CACNA2D3: variants seen among roughly 807,000 people sequenced by gnomAD.
The protein encoded by CACNA2D3 is voltage-dependent calcium channel subunit alpha-2/delta-3.
Under a neutral mutation model 160.6 loss-of-function variants are expected in CACNA2D3, and 60 were observed. The ratio of observed to expected loss-of-function variants is 0.37; its 90% CI spans 0.30 to 0.46. The LOEUF (loss-of-function observed/expected upper bound fraction) is 0.46. CACNA2D3 is among the 20% of genes least tolerant of loss of function. The pLI, the probability that CACNA2D3 is intolerant of heterozygous loss-of-function variation, is 1.00. For synonymous variants in CACNA2D3, 558 were observed against 492.9 expected, an observed-to-expected ratio of 1.13 and a Z score of -1.75; for missense variants, 1,205 against 1,365.0, an observed-to-expected ratio of 0.88 and a Z score of 1.85.
At chr3:54,208,923 A>C (rs964611661) in intron 2 of CACNA2D3, among the ~76,000 whole-genome samples, 2 of 152,134 alleles carry the variant, frequency 1.3e-5, no homozygotes. Context: ...ACATGGTGGA[A>C]GGCAAAAGGC....
intron 3 of CACNA2D3, among the ~76,000 whole-genome samples, chr3:54,381,546 G>C (rs1321681023): frequency 6.6e-6 from 1 of 152,102 alleles, no homozygotes; most frequent in African/African-American, 2.4e-5. Flanking sequence ...ACTTAGACGT[G>C]GTGTCCGGTT....
At chr3:54,929,317 G>A (rs1465318543) in intron 27 of CACNA2D3, among the ~76,000 whole-genome samples, 1 of 152,122 alleles carries the variant, frequency 6.6e-6, no homozygotes, top group Non-Finnish European at 1.5e-5. Context: ...GCATGAGAAA[G>A]GCTTTCAGGA....
intron 35 of CACNA2D3, among the ~76,000 whole-genome samples, chr3:55,049,035 G>T (rs1704126228): frequency 6.7e-6 from 1 of 149,832 alleles, no homozygotes; most frequent in South Asian, 2.1e-4. Context: ...CAATTTTGTT[G>T]ATCCTTTCAA....
intron 17 of CACNA2D3, among the ~76,000 whole-genome samples, chr3:54,865,412 GC>G (rs1258264827): frequency 6.6e-6 from 1 of 152,156 alleles, no homozygotes; most frequent in Non-Finnish European, 1.5e-5. Flanking sequence ...GTGACTTCAT[GC>G]CCCCCACCTT....
At chr3:54,184,184 C>T (rs1700836952) in intron 2 of CACNA2D3, among the ~76,000 whole-genome samples, 1 of 152,154 alleles carries the variant, frequency 6.6e-6, no homozygotes, top group African/African-American at 2.4e-5. Flanking sequence ...GAGATTCAGG[C>T]TGATTGGGGA....
chr3:54,178,538 A>G lies in CACNA2D3; in HGVS notation c.204+54944A>G, dbSNP rs188543683. On this transcript the variant is annotated intron_variant, in intron 2 of 37. Transcript: ENST00000474759. ...AGCAGACACACGAAGAAAAAGGCGAAGTTGAGTGGCATCGTCACCAACTGA... is the reference window on the plus strand; with the variant it reads ...AGCAGACACACGAAGAAAAAGGCGAGGTTGAGTGGCATCGTCACCAACTGA... 3.3e-5 allele frequency among the ~76,000 whole-genome samples: 5 copies of G among 152,326 alleles called. No homozygotes were observed. The East Asian group carries it at 9.6e-4, about 29-fold the overall frequency.
chr3:54,169,462 T>C (rs1700518963), intron 2 of CACNA2D3, among the ~76,000 whole-genome samples: 1 of 152,214 alleles, frequency 6.6e-6, no homozygotes, highest in Non-Finnish European at 1.5e-5. Flanking sequence ...CTCATTTTGA[T>C]TCTGTTTCAT....
intron 13 of CACNA2D3, among the ~76,000 whole-genome samples, chr3:54,775,974 G>A (rs941106233): frequency 1.3e-5 from 2 of 152,000 alleles, no homozygotes; most frequent in African/African-American, 2.4e-5. Flanking sequence ...CCCAGTCATC[G>A]GTGAAACACA....
chr3:54,456,274 G>T (rs375675778), intron 4 of CACNA2D3, among the ~76,000 whole-genome samples: 1 of 151,748 alleles, frequency 6.6e-6, no homozygotes, highest in East Asian at 1.9e-4. Context: ...CTTTTGTCTT[G>T]TTGGTTAAAT....
chr3:54,413,903 C>G (rs1329827343), intron 4 of CACNA2D3, among the ~76,000 whole-genome samples: 1 of 97,030 alleles, frequency 1.0e-5, no homozygotes, highest in Non-Finnish European at 2.1e-5. Context: ...ACTGCTTTTT[C>G]TTTTTAAGTC....
chr3:54,883,952 C>T (rs934418457), intron 21 of CACNA2D3, among the ~76,000 whole-genome samples: 1 of 152,160 alleles, frequency 6.6e-6, no homozygotes, highest in African/African-American at 2.4e-5. Flanking sequence ...TTTACTATCT[C>T]TTTTCTGCCA....
intron 2 of CACNA2D3, among the ~76,000 whole-genome samples, chr3:54,217,853 CCTGAGAGACA>C (rs1289911917): frequency 1.7e-4 from 25 of 145,026 alleles, no homozygotes; most frequent in African/African-American, 6.6e-4. Flanking sequence ...TTAATATAGG[CCTGAGAGACA>C]GAGAGAGACA....
At chr3:54,905,496 G>T (rs191198786) in intron 27 of CACNA2D3, among the ~76,000 whole-genome samples, 55 of 152,310 alleles carry the variant, frequency 3.6e-4, no homozygotes, top group Non-Finnish European at 5.9e-5. Flanking sequence ...TAACTAGTAT[G>T]TCAGAAAGTG....
In CACNA2D3 at chr3:55,073,447, C is replaced by G; in HGVS notation, c.2990C>G (p.Ser997Cys). The G allele has an allele frequency of 6.2e-7, 1 of 1,612,838 alleles. No individual in the cohort carries two copies. The highest frequency in any genetic ancestry group is 8.5e-7 in the Non-Finnish European group (1 of 1,178,864). Residue 997 changes from serine (S) to cysteine (C), a missense_variant and splice_region_variant, in exon 36 of 38, where the codon TCC becomes TGC. By Grantham distance (112) the Ser-to-Cys change is moderately radical. Around this residue, in one of 3 missense-constraint regions of CACNA2D3, gnomAD observed 911 missense variants for 1,002.2 expected, o/e 0.91. Coordinates refer to ENST00000474759, the MANE Select transcript of CACNA2D3 (RefSeq NM_018398.3). ...GNIACEDCSK[S>C]FVIQQIPSSN... ...CTCGCTACCTCTTGTTCCAACAGGTCCTTTGTCATCCAGCAAATCCCAAGC... is the reference window on the plus strand; with the variant it reads ...CTCGCTACCTCTTGTTCCAACAGGTGCTTTGTCATCCAGCAAATCCCAAGC...
chr3:54,217,211 C>G (rs1397406788), intron 2 of CACNA2D3, among the ~76,000 whole-genome samples: 2 of 152,220 alleles, frequency 1.3e-5, no homozygotes, highest in East Asian at 3.9e-4. Context: ...GCGTGTTCAG[C>G]AGAGCAGTGA....
chr3:54,983,536 G>A (rs994753590), intron 29 of CACNA2D3, among the ~76,000 whole-genome samples: 2 of 152,186 alleles, frequency 1.3e-5, no homozygotes, highest in African/African-American at 4.8e-5. Flanking sequence ...GTATAACCAG[G>A]AGAAGCTCTG....
chr3:54,653,192 G>C (rs141878292), intron 11 of CACNA2D3, among the ~76,000 whole-genome samples: 2 of 152,170 alleles, frequency 1.3e-5, no homozygotes, highest in Non-Finnish European at 2.9e-5. Context: ...TGCATGTACC[G>C]ATGGTATTAA....
At chr3:54,404,798 A>G (rs1341922965) in intron 4 of CACNA2D3, among the ~76,000 whole-genome samples, 1 of 152,094 alleles carries the variant, frequency 6.6e-6, no homozygotes, top group African/African-American at 2.4e-5. Context: ...AAGATACAAA[A>G]ATTTCTTGTA....
rs745531715 is a variant in CACNA2D3 at position 55,073,504 on chromosome 3, G to C, written c.3047G>C (p.Ser1016Thr). The C allele has an allele frequency of 6.2e-7, 1 of 1,613,944 alleles. No individual in the cohort carries two copies. The highest frequency in any genetic ancestry group is 1.1e-5 in the South Asian group (1 of 91,076). ...SNLFMVVVDS[S>T]CLCESVAPIT... ...CTGTTCATGGTGGTGGTGGACAGCA[G>C]CTGCCTCTGTGAATCTGTGGCCCCC... Residue 1016 changes from serine to threonine, a missense_variant, in exon 36 of 38, where the codon AGC becomes ACC. Physicochemically the swap from Ser to Thr is moderately conservative, Grantham distance 58. Transcript: ENST00000474759.
Sources: allele counts gnomAD v4.1 joint callset (sites outside exome capture counted in the v4.1 genomes callset), GRCh38; gene constraint gnomAD v4.1.1; regional missense constraint gnomAD v4.1.1; transcripts MANE v1.5; gene names NCBI Gene and HGNC (gene_info 2026-07-23, HGNC 2026-07-21).